SMIM41: variants seen among roughly 807,000 people sequenced by gnomAD.
The protein encoded by SMIM41 is small integral membrane protein 41.
At chr12:52,089,693 G>A (rs1268986710) in intron 2 of SMIM41, among the ~76,000 whole-genome samples, 1 of 152,188 alleles carries the variant, frequency 6.6e-6, no homozygotes, top group Non-Finnish European at 1.5e-5. Context: ...ACCGGTGGTG[G>A]TGGCCGGCAA....
At chr12:52,104,731 G>T (rs549081359) in intron 2 of SMIM41, among the ~76,000 whole-genome samples, 21 of 152,170 alleles carry the variant, frequency 1.4e-4, no homozygotes, top group African/African-American at 5.1e-4. Context: ...CCCACTGGTT[G>T]TCCTTTTCAT....
At chr12:52,103,617 GGT>G (rs1026550569) in intron 2 of SMIM41, among the ~76,000 whole-genome samples, 1 of 151,496 alleles carries the variant, frequency 6.6e-6, no homozygotes, top group Non-Finnish European at 1.5e-5. Context: ...AAATTAGCTG[GGT>G]GTGGTGGCAC....
chr12:52,102,386 A>G (rs1226980167), intron 2 of SMIM41, among the ~76,000 whole-genome samples: 2 of 152,248 alleles, frequency 1.3e-5, no homozygotes, highest in Admixed American at 6.5e-5. Context: ...CTTGGATTAC[A>G]TCTAAATGAC....
chr12:52,082,451 C>T (rs1228952573), intron 1 of SMIM41, among the ~76,000 whole-genome samples: 3 of 152,064 alleles, frequency 2.0e-5, no homozygotes, highest in African/African-American at 7.3e-5. Context: ...GTGCCAGGGA[C>T]CTCAGTGTTC....
chr12:52,104,673 C>G (rs1227731268), intron 2 of SMIM41, among the ~76,000 whole-genome samples: 1 of 146,556 alleles, frequency 6.8e-6, no homozygotes, highest in Admixed American at 6.8e-5. Context: ...TGGTTATGGT[C>G]GGGGGGGGGC....
At chr12:52,095,048 C>T (rs560017126) in intron 2 of SMIM41, among the ~76,000 whole-genome samples, 8 of 151,234 alleles carry the variant, frequency 5.3e-5, no homozygotes, top group African/African-American at 9.8e-5. Flanking sequence ...TGGGCTCAAG[C>T]GATCCTCCTG....
intron 2 of SMIM41, among the ~76,000 whole-genome samples, chr12:52,101,090 G>A (rs532490601): frequency 3.3e-5 from 5 of 152,252 alleles, no homozygotes; most frequent in Admixed American, 3.3e-4. Context: ...GGCACAGCAT[G>A]ACAAATATTA....
At chr12:52,098,515 G>A in intron 2 of SMIM41, among the ~76,000 whole-genome samples, 1 of 151,332 alleles carries the variant, frequency 6.6e-6, no homozygotes, top group East Asian at 1.9e-4. Flanking sequence ...TATCGTGGGG[G>A]GGGGGGGACG....
chr12:52,083,450 A>G (rs1939846753), intron 1 of SMIM41, among the ~76,000 whole-genome samples: 1 of 152,170 alleles, frequency 6.6e-6, no homozygotes, highest in Non-Finnish European at 1.5e-5. Context: ...ACCTATTTCT[A>G]GCAGATATAG....
At chr12:52,093,229 C>T (rs189862640) in intron 2 of SMIM41, among the ~76,000 whole-genome samples, 5 of 152,300 alleles carry the variant, frequency 3.3e-5, no homozygotes, top group Admixed American at 1.3e-4. Flanking sequence ...AAACCCCACA[C>T]ATTTTGGAAC....
intron 2 of SMIM41, among the ~76,000 whole-genome samples, chr12:52,101,398 C>A (rs1398793966): frequency 1.3e-5 from 2 of 152,160 alleles, no homozygotes; most frequent in African/African-American, 4.8e-5. Context: ...ATACTCCAAC[C>A]TGGGCAACAG....
chr12:52,088,519 C>T (rs1391462366), intron 2 of SMIM41, among the ~76,000 whole-genome samples: 1 of 152,228 alleles, frequency 6.6e-6, no homozygotes, highest in East Asian at 1.9e-4. Context: ...GTCTCCCTGG[C>T]AGGTTCTGCA....
intron 2 of SMIM41, among the ~76,000 whole-genome samples, chr12:52,088,993 CA>C (rs1193430321): frequency 6.6e-6 from 1 of 151,930 alleles, no homozygotes; most frequent in Non-Finnish European, 1.5e-5. Context: ...TCCAACCATT[CA>C]CCCCTCACTC....
At chr12:52,100,151 T>C (rs908361172) in intron 2 of SMIM41, among the ~76,000 whole-genome samples, 1 of 152,080 alleles carries the variant, frequency 6.6e-6, no homozygotes, top group Non-Finnish European at 1.5e-5. Context: ...GGGAGTAATA[T>C]CATTCTTTTC....
intron 2 of SMIM41, chr12:52,104,168 C>T (rs1339481329): frequency 6.6e-6 from 1 of 152,184 alleles, no homozygotes; most frequent in African/African-American, 2.4e-5. Context: ...CCAGCTTTCT[C>T]CTGATTAGAG....
intron 2 of SMIM41, among the ~76,000 whole-genome samples, chr12:52,097,350 C>CT (rs1175310785): frequency 6.7e-6 from 1 of 149,532 alleles, no homozygotes; most frequent in Non-Finnish European, 1.5e-5. Flanking sequence ...GAAATATCAC[C>CT]CCCCCCCGGA....
chr12:52,088,109 A>G (rs1157007198), intron 2 of SMIM41, among the ~76,000 whole-genome samples: 2 of 152,182 alleles, frequency 1.3e-5, no homozygotes, highest in African/African-American at 4.8e-5. Context: ...TGTGTTGTAC[A>G]TGAGACAGAG....
chr12:52,100,491 T>C (rs1421760829), intron 2 of SMIM41, among the ~76,000 whole-genome samples: 1 of 151,664 alleles, frequency 6.6e-6, no homozygotes, highest in Non-Finnish European at 1.5e-5. Context: ...AGTTTCACTC[T>C]TGTTGCCCAG....
intron 1 of SMIM41, among the ~76,000 whole-genome samples, chr12:52,083,292 T>G (rs1270309780): frequency 6.6e-6 from 1 of 152,212 alleles, no homozygotes; most frequent in East Asian, 1.9e-4. Context: ...TTTGCAGGCC[T>G]GCAGCACCCC....
Sources: gnomAD v4.1 joint callset for allele counts (sites outside exome capture counted in the v4.1 genomes callset) on GRCh38, gnomAD v4.1.1 for gene constraint, MANE v1.5 for transcripts, NCBI Gene and HGNC (gene_info 2026-07-23, HGNC 2026-07-21) for gene names.